RAB11FIP3: variants seen among roughly 807,000 people sequenced by gnomAD.
RAB11FIP3 encodes RAB11 family interacting protein 3, also known as rab11 family-interacting protein 3.
Under a neutral mutation model 77.8 loss-of-function variants are expected in RAB11FIP3, and 17 were observed. The observed-to-expected ratio is 0.22, with a 90% confidence interval of 0.15 to 0.33. The LOEUF is 0.33. Ranked by LOEUF, RAB11FIP3 falls within the 10% of genes least tolerant of loss-of-function variation. The probability of loss-of-function intolerance (pLI) is 1.00; values close to 1 mark genes in which losing one functional copy is unlikely to be tolerated. For synonymous variants in RAB11FIP3, 437 were observed against 448.2 expected (o/e 0.98, Z 0.31); for missense variants, 1,005 against 1,011.2 (o/e 0.99, Z 0.08).
At chr16:434,698 A>T (rs1472628803) in intron 1 of RAB11FIP3, among the ~76,000 whole-genome samples, 3 of 152,084 alleles carry the variant, frequency 2.0e-5, no homozygotes, top group African/African-American at 4.8e-5. Flanking sequence ...GATTACAAGC[A>T]TGAGCCACTG....
intron 1 of RAB11FIP3, among the ~76,000 whole-genome samples, chr16:449,601 A>C (rs973863734): frequency 1.1e-4 from 17 of 150,582 alleles, no homozygotes; most frequent in Non-Finnish European, 1.8e-4. Context: ...AGCTGTGTTT[A>C]CCACACCACT....
intron 1 of RAB11FIP3, among the ~76,000 whole-genome samples, chr16:460,777 G>A (rs775539971): frequency 4.6e-5 from 7 of 152,234 alleles, no homozygotes; most frequent in Non-Finnish European, 7.4e-5. Flanking sequence ...ATCTCCCCAC[G>A]TAAGACCCTG....
At position 496,739 on chromosome 16, in the gene RAB11FIP3, A is replaced by G. The variant is rs1403399440; in HGVS notation, c.1266-85A>G. The stretch of plus-strand genomic sequence containing the variant: ...ATTGCTGAAAGGCCGCCCACCTCGT[A>G]TCTCCACAGCCTGAGTTTCCTGCTT... On this transcript the variant is annotated intron_variant, in intron 5 of 13. Transcript: ENST00000262305. The G allele has an allele frequency of 4.3e-6, 6 of 1,406,604 alleles. No individual in the cohort carries two copies. The East Asian group carries it at 1.4e-4, about 33-fold the overall frequency. The allele number at this position is 1,406,604 out of a possible 1,614,324, so 87.1% of individuals were successfully genotyped here. A position where few individuals can be genotyped will look rare whatever the true frequency, so the allele number is the denominator to read the frequency against.
chr16:486,499 GA>G (rs2056156501), intron 4 of RAB11FIP3, among the ~76,000 whole-genome samples: 1 of 152,170 alleles, frequency 6.6e-6, no homozygotes, highest in African/African-American at 2.4e-5. Flanking sequence ...TCTCAAAAAT[GA>G]AAACAAAAGT....
At chr16:458,941 C>T (rs2055556246) in intron 1 of RAB11FIP3, among the ~76,000 whole-genome samples, 1 of 152,120 alleles carries the variant, frequency 6.6e-6, no homozygotes, top group African/African-American at 2.4e-5. Flanking sequence ...CATCCCCAGT[C>T]ACAGCAACGT....
Position 488,947 on chromosome 16 carries a change from G to T in RAB11FIP3, c.1212G>T (p.Glu404Asp), listed in dbSNP as rs758328581. The change falls in exon 5 of 14, where the codon GAG (glutamate) becomes GAT (aspartate). Residue 404 changes from glutamate to aspartate, a missense_variant. Coordinates refer to ENST00000262305, the MANE Select transcript of RAB11FIP3 (RefSeq NM_014700.4). Reference protein sequence around the residue: ...GEGSEAELSPETLCNGQLGCS... With the variant: ...GEGSEAELSPDTLCNGQLGCS... The stretch of plus-strand genomic sequence containing the variant: ...GCAGTGAGGCGGAGCTGTCCCCAGA[G>T]ACCCTATGCAACGGGCAGCTGGGCT... The T allele has an allele frequency of 2.5e-6, 4 of 1,613,926 alleles. No homozygotes were observed. Among genetic ancestry groups the T allele is most frequent in the Non-Finnish European group, 3.4e-6 (4 of 1,180,010 alleles).
At chr16:478,640 C>A (rs908461731) in intron 3 of RAB11FIP3, among the ~76,000 whole-genome samples, 2 of 152,174 alleles carry the variant, frequency 1.3e-5, no homozygotes, top group Non-Finnish European at 2.9e-5. Flanking sequence ...TCCTAACCAG[C>A]AATTTCATTT....
rs539580709 is a variant in RAB11FIP3, at chr16:521,157, G to T, written c.*318G>T. On this transcript the variant is annotated 3_prime_UTR_variant, in exon 14 of 14. Coordinates refer to ENST00000262305, the MANE Select transcript of RAB11FIP3 (RefSeq NM_014700.4). Reference sequence around the variant, plus strand: ...GCCCTGAGTCAAGCTGGCCATGAACGCGTACACTTCAGTTCAGCAGGATGG... The same window carrying T: ...GCCCTGAGTCAAGCTGGCCATGAACTCGTACACTTCAGTTCAGCAGGATGG... 9.0e-6 allele frequency: 4 copies of T among 442,092 alleles called. No individual in the cohort carries two copies. The South Asian group carries it at 1.0e-4, about 11-fold the overall frequency. The allele number at this position is 442,092 out of a possible 1,614,324, so 27.4% of individuals were successfully genotyped here.
intron 2 of RAB11FIP3, among the ~76,000 whole-genome samples, chr16:466,419 C>T (rs570828893): frequency 3.9e-5 from 6 of 152,250 alleles, no homozygotes; most frequent in Non-Finnish European, 2.9e-5. Context: ...CCATGGCTAA[C>T]GTGAAATGGG....
intron 5 of RAB11FIP3, among the ~76,000 whole-genome samples, chr16:493,815 AT>A (rs2030836168): frequency 4.1e-5 from 6 of 145,764 alleles, no homozygotes; most frequent in Non-Finnish European, 6.0e-5. Context: ...CCATGTCTCA[AT>A]CTCCGGACCT....
intron 5 of RAB11FIP3, among the ~76,000 whole-genome samples, chr16:492,460 G>GGGAGACCCGAGGCCGTCCAGGGCCCCCCC (rs1567392373): frequency 1.3e-3 from 37 of 28,298 alleles, no homozygotes; most frequent in African/African-American, 3.6e-3. Flanking sequence ...GGCCCTTCCC[G>GGGAGACCCGAGGCCGTCCAGGGCCCCCCC]GGGAGACCCG....
At chr16:479,827 A>G (rs888312652) in intron 3 of RAB11FIP3, among the ~76,000 whole-genome samples, 10 of 152,044 alleles carry the variant, frequency 6.6e-5, no homozygotes, top group African/African-American at 2.4e-4. Flanking sequence ...CTGAGGTGGG[A>G]GGATCACTTG....
At chr16:493,610 T>A (rs1308635635) in intron 5 of RAB11FIP3, among the ~76,000 whole-genome samples, 1 of 152,198 alleles carries the variant, frequency 6.6e-6, no homozygotes, top group Non-Finnish European at 1.5e-5. Context: ...GTATATTTTC[T>A]TTTTTCTTTT....
chr16:451,760 G>A (rs1264974584), intron 1 of RAB11FIP3, among the ~76,000 whole-genome samples: 1 of 151,150 alleles, frequency 6.6e-6, no homozygotes, highest in African/African-American at 2.4e-5. Context: ...GTTTGAACCA[G>A]GGAAGCGGAG....
chr16:502,985 T>C lies in RAB11FIP3; in HGVS notation c.1302-19T>C. 1 of 1,574,116 alleles carries C rather than the reference T, an allele frequency of 6.4e-7. No individual in the cohort carries two copies. The highest frequency in any genetic ancestry group is 1.1e-5 in the South Asian group (1 of 90,296). On this transcript the variant is annotated intron_variant, in intron 6 of 13. Coordinates refer to ENST00000262305, the MANE Select transcript of RAB11FIP3 (RefSeq NM_014700.4). ...TGGTTTTTCCCTTTCTTCCCTCTGT[T>C]GTTGTGCCTTTTCTGTAGGTACCTG...
intron 1 of RAB11FIP3, among the ~76,000 whole-genome samples, chr16:441,600 C>G (rs1009210102): frequency 6.6e-6 from 1 of 152,204 alleles, no homozygotes; most frequent in African/African-American, 2.4e-5. Context: ...CTCACGCACG[C>G]GGACCCTAAT....
intron 1 of RAB11FIP3, among the ~76,000 whole-genome samples, chr16:445,355 C>G (rs1431746278): frequency 2.0e-5 from 3 of 151,288 alleles, no homozygotes; most frequent in African/African-American, 7.3e-5. Context: ...ACGAGAATCG[C>G]TTGAACCCAG....
chr16:511,161 C>A (rs1197097460), intron 9 of RAB11FIP3, among the ~76,000 whole-genome samples: 2 of 107,090 alleles, frequency 1.9e-5, no homozygotes, highest in Non-Finnish European at 3.8e-5. Context: ...TCCCCGACGG[C>A]CCGCCAACCC....
intron 9 of RAB11FIP3, among the ~76,000 whole-genome samples, chr16:516,082 C>T (rs974457172): frequency 9.2e-5 from 14 of 152,338 alleles, no homozygotes; most frequent in South Asian, 6.2e-4. Flanking sequence ...AGAGGCCGGC[C>T]GGTGCTCTTT....
Sources: allele counts gnomAD v4.1 joint callset (sites outside exome capture counted in the v4.1 genomes callset), GRCh38; gene constraint gnomAD v4.1.1; transcripts MANE v1.5; gene names NCBI Gene and HGNC (gene_info 2026-07-23, HGNC 2026-07-21).